Variants in IL1B observed in about 807,000 individuals in gnomAD.
The protein encoded by IL1B is interleukin-1 beta.
In IL1B, 11 loss-of-function variants were observed where a neutral mutation model predicts 26.2. That is an observed-to-expected ratio of 0.42 (90% CI 0.26 to 0.70). The LOEUF (loss-of-function observed/expected upper bound fraction) is 0.70. IL1B is among the 30% of genes least tolerant of loss of function. The pLI, the probability that IL1B is intolerant of heterozygous loss-of-function variation, is 0.25. For missense variants in IL1B, 255 were observed against 327.5 expected (o/e 0.78, Z 1.71); for synonymous variants, 118 against 120.8 (o/e 0.98, Z 0.15).
At chr2:112,831,852 C>A (rs1373489580) in intron 5 of IL1B, among the ~76,000 whole-genome samples, 1 of 152,148 alleles carries the variant, frequency 6.6e-6, no homozygotes, top group Non-Finnish European at 1.5e-5. Flanking sequence ...CAGAGAGTAG[C>A]CCATGGGAAG....
At chr2:112,836,403 T>TA in intron 1 of IL1B, 159 bp from the exon 2 acceptor site, 1 of 627,208 alleles carries the variant, frequency 1.6e-6, no homozygotes. Flanking sequence ...AGAAAAGCAT[T>TA]TGCTAAACCA....
Position 112,831,398 on chromosome 2 carries a change from T to A in IL1B, c.491A>T (p.Gln164Leu). 6.2e-7 allele frequency: 1 copy of A among 1,613,920 alleles called. No individual in the cohort carries two copies. The highest frequency in any genetic ancestry group is 8.5e-7 in the Non-Finnish European group (1 of 1,179,862). ...TATTTTGTCATTACTTTCTTCTCCT[T>A]GTACAAAGGACATGGAGAACACCAC... is the stretch of plus-strand genomic sequence containing the variant. ...QQVVFSMSFV[Q>L]GEESNDKIPV... is the part of the protein sequence containing the mutation. The change falls in exon 6 of 7, where the codon CAA becomes CTA. Residue 164 changes from glutamine to leucine, a missense_variant. By Grantham distance (113) the Gln-to-Leu change is moderately radical. Coordinates refer to ENST00000263341, the MANE Select transcript of IL1B (RefSeq NM_000576.3).
At chr2:112,835,281 T>C in intron 3 of IL1B, 1 of 503,856 alleles carries the variant, frequency 2.0e-6, no homozygotes, top group East Asian at 3.7e-5. Context: ...CAAATTTATG[T>C]TGAAGACTTG....
intron 3 of IL1B, 131 bp downstream of exon 3, chr2:112,835,435 T>C (rs111369264): frequency 1.3e-6 from 1 of 748,376 alleles, no homozygotes; most frequent in Non-Finnish European, 2.4e-6. Flanking sequence ...GCAGCCTGTG[T>C]CTCACTGGAA....
rs1386127275 is a variant in IL1B at position 112,830,026 on chromosome 2, T to C, written c.*335A>G. 7.7e-6 allele frequency: 2 copies of C among 260,396 alleles called. No homozygotes were observed. The highest frequency in any genetic ancestry group is 4.9e-5 in the Admixed American group (1 of 20,512). 16.1% of individuals were successfully genotyped at this position (260,396 alleles called of 1,614,324 possible). Reference sequence around the variant, plus strand: ...AATAAATAAATAAATAGGGAAGCGGTTGCTCATCAGAATGTGGGAGCGAAT... The same window carrying C: ...AATAAATAAATAAATAGGGAAGCGGCTGCTCATCAGAATGTGGGAGCGAAT... On this transcript the variant is annotated 3_prime_UTR_variant, in exon 7 of 7. Transcript: ENST00000263341.
chr2:112,835,454 AG>A, intron 3 of IL1B, 111 bp downstream of exon 3: 8 of 860,100 alleles, frequency 9.3e-6, no homozygotes, highest in Non-Finnish European at 1.6e-5. Context: ...AAGAGGTTAA[AG>A]TCTTTCTAAA....
At chr2:112,833,130 G>A (rs975862479) in intron 4 of IL1B, 27 of 605,382 alleles carry the variant, frequency 4.5e-5, no homozygotes, top group Admixed American at 1.6e-4. Context: ...TGGTGACAAT[G>A]TAAGTGAAAG....
intron 6 of IL1B, 22 bp from the exon 7 acceptor site, chr2:112,830,595 A>G: frequency 3.8e-6 from 6 of 1,562,230 alleles, no homozygotes; most frequent in Non-Finnish European, 5.3e-6. Context: ...GAGAAAGAAG[A>G]ATTTTTGTGG....
At position 112,830,351 on chromosome 2, in the gene IL1B, A is replaced by G. The variant is rs760036789; in HGVS notation, c.*10T>C. Reference sequence around the variant, plus strand: ...ACATTCAGCACAGGACTCTCTGGGTACAGCTCTCTTTAGGAAGACACAAAT... The same window carrying G: ...ACATTCAGCACAGGACTCTCTGGGTGCAGCTCTCTTTAGGAAGACACAAAT... On this transcript the variant is annotated 3_prime_UTR_variant, in exon 7 of 7. Coordinates refer to ENST00000263341, the MANE Select transcript of IL1B (RefSeq NM_000576.3). 4 of 1,609,788 alleles carry G rather than the reference A, an allele frequency of 2.5e-6. No homozygotes were observed. The highest frequency in any genetic ancestry group is 2.2e-5 in the East Asian group (1 of 44,874).
chr2:112,833,283 G>GCT (rs1230946196), intron 4 of IL1B, 91 bp downstream of exon 4: 2 of 1,251,426 alleles, frequency 1.6e-6, no homozygotes, highest in Non-Finnish European at 2.3e-6. Context: ...CCTTTAAAGG[G>GCT]CTTTGGCTCT....
At chr2:112,836,629 G>C in intron 1 of IL1B, 79 bp downstream of exon 1, 1 of 267,980 alleles carries the variant, frequency 3.7e-6, no homozygotes, top group Non-Finnish European at 7.5e-6. Context: ...GAGAGAGAGA[G>C]AATATGCATA....
intron 3 of IL1B, 59 bp downstream of exon 3, chr2:112,835,507 T>G: frequency 7.1e-7 from 1 of 1,409,680 alleles, no homozygotes; most frequent in Non-Finnish European, 1.0e-6. Context: ...ACTCCCTTCT[T>G]TGAGCTTTCC....
rs1438718924 is a variant in IL1B at position 112,833,470 on chromosome 2, C to T, written c.205G>A (p.Val69Met). The change falls in exon 4 of 7, where the codon GTG (valine) becomes ATG (methionine). Residue 69 changes from valine to methionine, a missense_variant. Transcript: ENST00000263341. The part of the protein sequence containing the change: ...KGFRQAASVV[V>M]AMDKLRKMLV... ...ATCTTCCTCAGCTTGTCCATGGCCA[C>T]AACAACTGACGCGGCCTGCCTGAAG... 6.2e-7 allele frequency: 1 copy of T among 1,614,200 alleles called. No homozygotes were observed. Among genetic ancestry groups the T allele is most frequent in the African/African-American group, 1.3e-5 (1 of 75,044 alleles).
chr2:112,832,633 G>A (rs1255144866), intron 5 of IL1B, 29 bp downstream of exon 5: 3 of 1,611,884 alleles, frequency 1.9e-6, no homozygotes, highest in African/African-American at 2.7e-5. Flanking sequence ...CAGGAGGCCA[G>A]GCAGGGAAAC....
intron 5 of IL1B, among the ~76,000 whole-genome samples, chr2:112,831,994 G>T (rs10183049): frequency 9.9e-5 from 15 of 152,152 alleles, no homozygotes; most frequent in African/African-American, 3.4e-4. Context: ...AAAGAAACAG[G>T]ATTTTCTTGG....
intron 5 of IL1B, 150 bp downstream of exon 5, chr2:112,832,512 C>A: frequency 4.7e-6 from 4 of 844,686 alleles, no homozygotes; most frequent in Non-Finnish European, 7.7e-6. Context: ...TGTGCCATTT[C>A]TAGGACCAAA....
chr2:112,833,359 C>T lies in IL1B; in HGVS notation c.301+15G>A, dbSNP rs777845999. 3.7e-6 allele frequency: 6 copies of T among 1,613,008 alleles called. No homozygotes were observed. In the South Asian group the frequency reaches 6.6e-5, roughly 18 times the overall value. On this transcript the variant is annotated intron_variant, in intron 4 of 6. Coordinates refer to ENST00000263341, the MANE Select transcript of IL1B (RefSeq NM_000576.3). ...GACACAAGTGGAGATCTACTGCCTG[C>T]TCTTGGCTAACTACCTTCTTCAAAG...
At chr2:112,836,287 A>G (rs1451446910) in intron 1 of IL1B, 43 bp from the exon 2 acceptor site, 1 of 1,412,040 alleles carries the variant, frequency 7.1e-7, no homozygotes, top group East Asian at 2.3e-5. Context: ...CATGACGGCT[A>G]CGTTCATGTG....
intron 6 of IL1B, 70 bp from the exon 7 acceptor site, chr2:112,830,643 G>T: frequency 1.8e-6 from 2 of 1,141,802 alleles, no homozygotes; most frequent in Non-Finnish European, 1.3e-6. Context: ...GATGTTCTTT[G>T]GGTTGGCCAG....
Sources: allele counts gnomAD v4.1 joint callset (sites outside exome capture counted in the v4.1 genomes callset), GRCh38; gene constraint gnomAD v4.1.1; transcripts MANE v1.5; gene names NCBI Gene and HGNC (gene_info 2026-07-23, HGNC 2026-07-21).